INVS: variants seen among roughly 807,000 people sequenced by gnomAD.
INVS encodes inversion of embryo turning homolog.
Under a neutral mutation model 108.8 loss-of-function variants are expected in INVS, and 86 were observed. That is an observed-to-expected ratio of 0.79 (90% CI 0.66 to 0.95). The LOEUF (loss-of-function observed/expected upper bound fraction) is 0.95. Among genes scored for constraint, INVS ranks in the 40% least tolerant of loss-of-function variants. INVS has a pLI of 0.00. For missense variants in INVS, 1,169 were observed against 1,297.4 expected (o/e 0.90, Z 1.52); for synonymous variants, 455 against 473.5 (o/e 0.96, Z 0.51).
intron 3 of INVS, among the ~76,000 whole-genome samples, chr9:100,201,533 G>A (rs1406052113): frequency 6.6e-6 from 1 of 152,198 alleles, no homozygotes; most frequent in Non-Finnish European, 1.5e-5. Flanking sequence ...AGAGATATCA[G>A]AAATGTGTCC....
chr9:100,112,317 T>C (rs1014732452), intron 2 of INVS, among the ~76,000 whole-genome samples: 1 of 152,192 alleles, frequency 6.6e-6, no homozygotes, highest in Admixed American at 6.5e-5. Flanking sequence ...AATTTTGCCT[T>C]ATAGGCACAA....
intron 2 of INVS, among the ~76,000 whole-genome samples, chr9:100,105,231 C>G (rs575462456): frequency 6.6e-6 from 1 of 152,284 alleles, no homozygotes; most frequent in Admixed American, 6.5e-5. Flanking sequence ...TATTTGTAGT[C>G]TTTATTCACA....
chr9:100,100,701 CATATAAT>C (rs1826843899), intron 1 of INVS, among the ~76,000 whole-genome samples: 1 of 9,900 alleles, frequency 1.0e-4, no homozygotes, highest in African/African-American at 1.0e-3. Flanking sequence ...TATATATGTA[CATATAAT>C]ATATATATTA....
intron 3 of INVS, among the ~76,000 whole-genome samples, chr9:100,132,772 C>A (rs554193569): frequency 1.1e-5 from 1 of 88,814 alleles, no homozygotes; most frequent in South Asian, 4.8e-4. Flanking sequence ...TTGCATATGC[C>A]TGGAATTTTT....
chr9:100,126,968 G>A (rs1827904880), intron 3 of INVS, among the ~76,000 whole-genome samples: 1 of 152,050 alleles, frequency 6.6e-6, no homozygotes. Context: ...TCCTTAATGA[G>A]TATTACTTTT....
At chr9:100,290,579 C>T (rs927198164) in intron 13 of INVS, among the ~76,000 whole-genome samples, 2 of 151,972 alleles carry the variant, frequency 1.3e-5, no homozygotes, top group Non-Finnish European at 2.9e-5. Context: ...CTCGAACTCC[C>T]GACCTCAGGT....
At chr9:100,272,806 C>G (rs1168038675) in intron 11 of INVS, 58 bp from the exon 12 acceptor site, 3 of 1,436,402 alleles carry the variant, frequency 2.1e-6, no homozygotes, top group Non-Finnish European at 2.9e-6. Flanking sequence ...TTCAGTTTAA[C>G]TGTGCCTTAA....
chr9:100,099,670 G>A (rs1219096759), intron 1 of INVS, among the ~76,000 whole-genome samples: 2 of 152,202 alleles, frequency 1.3e-5, no homozygotes, highest in Non-Finnish European at 1.5e-5. Context: ...GAGTAGATGT[G>A]GTACGGGATG....
At chr9:100,124,918 T>G (rs1021485010) in intron 2 of INVS, among the ~76,000 whole-genome samples, 3 of 152,236 alleles carry the variant, frequency 2.0e-5, no homozygotes, top group African/African-American at 7.2e-5. Context: ...AACATTCTCT[T>G]TCAATTTTGT....
At chr9:100,298,052 G>A in intron 16 of INVS, 42 bp downstream of exon 16, 1 of 1,613,912 alleles carries the variant, frequency 6.2e-7, no homozygotes, top group Non-Finnish European at 8.5e-7. Context: ...GAAGAACATG[G>A]GGAAGCATTT....
chr9:100,124,919 T>C lies in INVS; in HGVS notation c.107-1464T>C, dbSNP rs542878144. On this transcript the variant is annotated intron_variant, in intron 2 of 16. Coordinates refer to ENST00000262457, the MANE Select transcript of INVS (RefSeq NM_014425.5). The stretch of plus-strand genomic sequence containing the variant: ...CAAGGTTTAGAATGAACATTCTCTT[T>C]CAATTTTGTGGTTCAAATTTCAAGT... 2.0e-4 allele frequency among the ~76,000 whole-genome samples: 30 copies of C among 152,346 alleles called. No individual in the cohort carries two copies. In the South Asian group the frequency reaches 6.2e-3, roughly 32 times the overall value.
chr9:100,264,943 A>AC lies in INVS; in HGVS notation c.1571+16dup. The AC allele has an allele frequency of 6.8e-7, 1 of 1,463,518 alleles. No homozygotes were observed. The allele number at this position is 1,463,518 out of a possible 1,614,324, so 90.7% of individuals were successfully genotyped here. On this transcript the variant is annotated intron_variant, in intron 11 of 16. Transcript: ENST00000262457. ...AATGAAGAGAGGTAAGTTGTTGTTG[A>AC]CTTTTTTTTTTTTTTTTGAGATGGC...
chr9:100,246,604 G>C lies in INVS; in HGVS notation c.907-12G>C. 6.2e-7 allele frequency: 1 copy of C among 1,606,932 alleles called. No homozygotes were observed. The highest frequency in any genetic ancestry group is 1.3e-5 in the African/African-American group (1 of 74,906). On this transcript the variant is annotated splice_polypyrimidine_tract_variant and intron_variant, in intron 7 of 16. Transcript: ENST00000262457. ...GTTTTGTCTCCATTTTTTAAATCAA[G>C]TTTTCTTACAGGAAACGGTTAAAGT...
chr9:100,179,286 C>T (rs938746782), intron 3 of INVS, among the ~76,000 whole-genome samples: 8 of 152,038 alleles, frequency 5.3e-5, no homozygotes, highest in South Asian at 2.1e-4. Flanking sequence ...TCACAGATAA[C>T]GATATTAACC....
intron 5 of INVS, among the ~76,000 whole-genome samples, chr9:100,233,640 G>A (rs1186705803): frequency 6.6e-6 from 1 of 152,132 alleles, no homozygotes; most frequent in Non-Finnish European, 1.5e-5. Context: ...TGTGGTTTTT[G>A]TCATTGGTTC....
intron 3 of INVS, among the ~76,000 whole-genome samples, chr9:100,181,803 G>C (rs1002389810): frequency 4.6e-5 from 7 of 152,096 alleles, no homozygotes; most frequent in Non-Finnish European, 1.0e-4. Context: ...AGCCCATATA[G>C]CCAAGACAAT....
At chr9:100,141,405 G>A (rs1444431891) in intron 3 of INVS, among the ~76,000 whole-genome samples, 1 of 152,096 alleles carries the variant, frequency 6.6e-6, no homozygotes, top group Non-Finnish European at 1.5e-5. Context: ...GGACCGTAAG[G>A]GAAATAAAGG....
intron 11 of INVS, among the ~76,000 whole-genome samples, chr9:100,267,847 T>G (rs139946549): frequency 6.6e-6 from 1 of 152,326 alleles, no homozygotes; most frequent in African/African-American, 2.4e-5. Context: ...CTAATTTGAA[T>G]AAACCAATTA....
chr9:100,150,658 A>C (rs1243784885), intron 3 of INVS, among the ~76,000 whole-genome samples: 3 of 152,102 alleles, frequency 2.0e-5, no homozygotes, highest in Non-Finnish European at 4.4e-5. Context: ...TTATTTGTTT[A>C]TGTAATTTCC....
Sources: allele counts gnomAD v4.1 joint callset (sites outside exome capture counted in the v4.1 genomes callset), GRCh38; gene constraint gnomAD v4.1.1; transcripts MANE v1.5; gene names NCBI Gene and HGNC (gene_info 2026-07-23, HGNC 2026-07-21).